Variants in TMLHE observed in about 807,000 individuals in gnomAD.
The protein encoded by TMLHE is trimethyllysine dioxygenase, mitochondrial.
In TMLHE, 18 loss-of-function variants were observed where a neutral mutation model predicts 25.7. The observed-to-expected ratio is 0.70, with a 90% CI of 0.48 to 1.04. The LOEUF (loss-of-function observed/expected upper bound fraction) is 1.04, where lower values mean the gene tolerates loss of function less well. Ranked by LOEUF, TMLHE falls within the 50% of genes least tolerant of loss-of-function variation. The pLI, the probability that TMLHE is intolerant of heterozygous loss-of-function variation, is 0.00. For synonymous variants in TMLHE, 105 were observed against 97.0 expected (o/e 1.08, Z -0.49); for missense variants, 236 against 259.0 (o/e 0.91, Z 0.61).
At chrX:155,521,976 C>T (rs954224958) in intron 3 of TMLHE, among the ~76,000 whole-genome samples, 13 of 107,185 alleles carry the variant, frequency 1.2e-4, no homozygotes, top group African/African-American at 3.4e-4. Context: ...AGAAATCACC[C>T]GTCTTCTGCG....
intron 2 of TMLHE, 33 bp from the exon 3 acceptor site, chrX:155,524,665 T>G (rs2067208651): frequency 9.0e-7 from 1 of 1,106,235 alleles, no homozygotes; most frequent in African/African-American, 1.9e-5. Context: ...CAGAACTATT[T>G]ATTGAGATAA....
chrX:155,606,779 T>G (rs1328703862), intron 1 of TMLHE, among the ~76,000 whole-genome samples: 1 of 73,918 alleles, frequency 1.4e-5, no homozygotes, highest in Non-Finnish European at 2.6e-5. Flanking sequence ...GGGGACATCA[T>G]CACCAACCCC....
chrX:155,607,705 G>A (rs1247424431), intron 1 of TMLHE, among the ~76,000 whole-genome samples: 1 of 111,861 alleles, frequency 8.9e-6, no homozygotes, highest in Non-Finnish European at 1.9e-5. Context: ...AACAACTTCA[G>A]CAAAGTTTCA....
At chrX:155,594,383 A>T (rs1022518081) in intron 1 of TMLHE, among the ~76,000 whole-genome samples, 16 of 111,439 alleles carry the variant, frequency 1.4e-4, no homozygotes, top group East Asian at 2.8e-4. Flanking sequence ...AGCAATTTTT[A>T]AAAAAAAGAA....
intron 1 of TMLHE, among the ~76,000 whole-genome samples, chrX:155,586,989 G>C (rs2124480748): frequency 8.9e-6 from 1 of 112,231 alleles, no homozygotes; most frequent in South Asian, 3.7e-4. Context: ...AATTGAAGAA[G>C]AGAGAACTAT....
intron 2 of TMLHE, among the ~76,000 whole-genome samples, chrX:155,528,729 G>A (rs782111691): frequency 9.0e-6 from 1 of 111,310 alleles, no homozygotes; most frequent in Non-Finnish European, 1.9e-5. Flanking sequence ...TCCACTTATT[G>A]GTTGATGGGT....
intron 1 of TMLHE, among the ~76,000 whole-genome samples, chrX:155,557,396 G>A (rs1451639098): frequency 8.9e-6 from 1 of 112,024 alleles, no homozygotes; most frequent in Non-Finnish European, 1.9e-5. Flanking sequence ...CTCACTTCCC[G>A]CAACAACCTA....
intron 2 of TMLHE, among the ~76,000 whole-genome samples, chrX:155,542,380 A>C (rs1557338328): frequency 9.0e-6 from 1 of 111,648 alleles, no homozygotes; most frequent in African/African-American, 3.3e-5. Context: ...AATAAATGAA[A>C]AGGCATCTCC....
At chrX:155,570,579 G>C (rs1288921329) in intron 1 of TMLHE, among the ~76,000 whole-genome samples, 8 of 56,451 alleles carry the variant, frequency 1.4e-4, no homozygotes, top group African/African-American at 3.4e-4. Context: ...TGACCACATA[G>C]TTGGAAGTAA....
At chrX:155,525,218 G>A (rs1449057139) in intron 2 of TMLHE, among the ~76,000 whole-genome samples, 2 of 111,171 alleles carry the variant, frequency 1.8e-5, no homozygotes, top group Non-Finnish European at 3.8e-5. Context: ...GATCATGGGG[G>A]CAAATTTCCC....
At chrX:155,611,574 TA>T (rs1203443981) in intron 1 of TMLHE, 2 of 111,246 alleles carry the variant, frequency 1.8e-5, no homozygotes, top group African/African-American at 6.6e-5. Context: ...AATAAAGAAC[TA>T]GGTGGGGCAC....
intron 1 of TMLHE, among the ~76,000 whole-genome samples, chrX:155,584,595 C>T (rs1323146943): frequency 9.0e-6 from 1 of 111,238 alleles, no homozygotes; most frequent in Non-Finnish European, 1.9e-5. Flanking sequence ...AAAGATAAAA[C>T]AGGATTCTAA....
intron 1 of TMLHE, among the ~76,000 whole-genome samples, chrX:155,556,793 A>G (rs1310715356): frequency 1.8e-5 from 2 of 110,608 alleles, no homozygotes; most frequent in Non-Finnish European, 3.8e-5. Context: ...GCTATGGGAG[A>G]CTGGAGTTTA....
chrX:155,540,094 A>G (rs1557338021), intron 2 of TMLHE, among the ~76,000 whole-genome samples: 2 of 109,979 alleles, frequency 1.8e-5, no homozygotes, highest in African/African-American at 6.6e-5. Context: ...TGCAAATCAC[A>G]AAAGGGGAAA....
chrX:155,552,935 A>T (rs2067424773), intron 1 of TMLHE, among the ~76,000 whole-genome samples: 1 of 110,541 alleles, frequency 9.0e-6, no homozygotes, highest in African/African-American at 3.3e-5. Flanking sequence ...GTCAGCTCAA[A>T]ATATTTTCTA....
intron 2 of TMLHE, among the ~76,000 whole-genome samples, chrX:155,537,811 C>A (rs2067287806): frequency 1.8e-5 from 2 of 110,766 alleles, no homozygotes; most frequent in South Asian, 7.7e-4. Flanking sequence ...AGCCAAGCAG[C>A]TGAAAATTGC....
In TMLHE at chrX:155,548,823, C is replaced by CAT. The variant is rs782342005; in HGVS notation, c.-1-3548_-1-3547dup. The stretch of plus-strand genomic sequence containing the variant: ...GAACAGACATTTCTAAGAGAAAACA[C>CAT]ATATGGTCAATATGGTCAATCAATT... On this transcript the variant is annotated intron_variant, in intron 1 of 7. Coordinates refer to ENST00000334398, the MANE Select transcript of TMLHE (RefSeq NM_018196.4). 1.4e-4 allele frequency among the ~76,000 whole-genome samples: 15 copies of CAT among 110,182 alleles called. No homozygotes were observed. The East Asian group carries it at 3.9e-3, about 29-fold the overall frequency.
intron 1 of TMLHE, among the ~76,000 whole-genome samples, chrX:155,549,261 G>C (rs1557339608): frequency 9.0e-6 from 1 of 110,723 alleles, no homozygotes; most frequent in Non-Finnish European, 1.9e-5. Context: ...CACTAGTTAG[G>C]AGGAGTAAGC....
At chrX:155,584,051 T>C (rs1222861487) in intron 1 of TMLHE, among the ~76,000 whole-genome samples, 1 of 109,943 alleles carries the variant, frequency 9.1e-6, no homozygotes. Context: ...AAATTGAAAA[T>C]ACAAATTTTA....
Sources: allele counts gnomAD v4.1 joint callset (sites outside exome capture counted in the v4.1 genomes callset), GRCh38; gene constraint gnomAD v4.1.1; transcripts MANE v1.5; gene names NCBI Gene and HGNC (gene_info 2026-07-23, HGNC 2026-07-21).